Variants in TBC1D15 observed in about 807,000 individuals in gnomAD.
TBC1D15 encodes GAP for RAB7.
TBC1D15 carries 39 observed loss-of-function variants against 95.4 expected under a neutral mutation model. The observed-to-expected ratio is 0.41, with a 90% confidence interval of 0.32 to 0.53. TBC1D15 has a LOEUF of 0.53. Ranked by LOEUF, TBC1D15 falls within the 20% of genes least tolerant of loss-of-function variation. The pLI is 0.29. For synonymous variants in TBC1D15, 258 were observed against 261.3 expected (o/e 0.99, Z 0.12); for missense variants, 733 against 794.3 (o/e 0.92, Z 0.93).
In TBC1D15 at chr12:71,896,158, G is replaced by A. The variant is rs1036764552; in HGVS notation, c.984+83G>A. ...GTTGTTATCGTTACTGTTTTGGTGTGTTTTTTTTTGTTGTTGGTTTTTTTT... is the reference window on the plus strand; with the variant it reads ...GTTGTTATCGTTACTGTTTTGGTGTATTTTTTTTTGTTGTTGGTTTTTTTT... On this transcript the variant is annotated intron_variant, in intron 8 of 16. Transcript: ENST00000485960. 5 of 941,208 alleles carry A rather than the reference G, an allele frequency of 5.3e-6. No individual in the cohort carries two copies. In the African/African-American group the frequency reaches 7.1e-5, roughly 13 times the overall value. 58.3% of individuals were successfully genotyped at this position (941,208 alleles called of 1,614,324 possible).
At chr12:71,914,873 C>G (rs574375419) in intron 12 of TBC1D15, among the ~76,000 whole-genome samples, 1 of 151,926 alleles carries the variant, frequency 6.6e-6, no homozygotes, top group South Asian at 2.1e-4. Context: ...TTTTGCTTGC[C>G]TATTTTTCTT....
At chr12:71,844,036 G>A (rs1361174646) in intron 1 of TBC1D15, among the ~76,000 whole-genome samples, 1 of 151,862 alleles carries the variant, frequency 6.6e-6, no homozygotes, top group African/African-American at 2.4e-5. Context: ...ACACAGTTTT[G>A]TCCTTGACTG....
intron 1 of TBC1D15, among the ~76,000 whole-genome samples, chr12:71,864,011 CT>C (rs1565966392): frequency 6.7e-6 from 1 of 148,986 alleles, no homozygotes; most frequent in African/African-American, 2.5e-5. Context: ...TTGTTGATTT[CT>C]TTTTCACTAG....
intron 1 of TBC1D15, among the ~76,000 whole-genome samples, chr12:71,840,165 T>C (rs1565924918): frequency 6.6e-6 from 1 of 152,232 alleles, no homozygotes; most frequent in African/African-American, 2.4e-5. Context: ...CTCTTCTGAC[T>C]CCAGCGTCTT....
chr12:71,899,986 G>A (rs1322100433), intron 10 of TBC1D15, among the ~76,000 whole-genome samples: 1 of 151,950 alleles, frequency 6.6e-6, no homozygotes, highest in African/African-American at 2.4e-5. Context: ...AAAAAAGTAG[G>A]TGGATTCAAG....
Position 71,850,237 on chromosome 12 carries a change from T to C in TBC1D15, c.30+10426T>C, listed in dbSNP as rs536568399. On this transcript the variant is annotated intron_variant, in intron 1 of 16. Coordinates refer to ENST00000485960, the MANE Select transcript of TBC1D15 (RefSeq NM_001146213.3). ...TAACTCTTGGTATAACTCAGTTTTCTTCCTTTCAAAAGAAGTAACATTTCT... is the reference window on the plus strand; with the variant it reads ...TAACTCTTGGTATAACTCAGTTTTCCTCCTTTCAAAAGAAGTAACATTTCT... 419 of 555,398 alleles carry C rather than the reference T, an allele frequency of 7.5e-4. 2 individuals are homozygous for C. The highest frequency in any genetic ancestry group is 2.8e-3 in the South Asian group (189 of 66,934). 34.4% of individuals were successfully genotyped at this position (555,398 alleles called of 1,614,324 possible).
chr12:71,886,206 C>G (rs939261069), intron 5 of TBC1D15, among the ~76,000 whole-genome samples: 3 of 152,008 alleles, frequency 2.0e-5, no homozygotes, highest in African/African-American at 7.2e-5. Context: ...TCCTTCCTTC[C>G]TTTCCTTCCT....
chr12:71,869,168 C>T (rs973652438), intron 1 of TBC1D15, among the ~76,000 whole-genome samples: 1 of 151,286 alleles, frequency 6.6e-6, no homozygotes, highest in Non-Finnish European at 1.5e-5. Context: ...GTGAAATAAG[C>T]AGATACGGAA....
Position 71,839,824 on chromosome 12 carries a change from C to A in TBC1D15, c.30+13C>A. 1 of 1,614,160 alleles carries A rather than the reference C, an allele frequency of 6.2e-7. No homozygotes were observed. The highest frequency in any genetic ancestry group is 8.5e-7 in the Non-Finnish European group (1 of 1,180,016). On this transcript the variant is annotated intron_variant, in intron 1 of 16. Transcript: ENST00000485960. ...TGTGAGCGGGAAGGTAGGTAACGGC[C>A]TCCAGGAAGACCTCGGCTTTTCTCT...
At chr12:71,865,733 C>T (rs1267170019) in intron 1 of TBC1D15, among the ~76,000 whole-genome samples, 1 of 152,078 alleles carries the variant, frequency 6.6e-6, no homozygotes, top group Non-Finnish European at 1.5e-5. Context: ...TCTAGCTCAG[C>T]ATGGCTGTGT....
chr12:71,876,787 A>ATTT (rs200390829), intron 3 of TBC1D15, among the ~76,000 whole-genome samples: 36 of 136,174 alleles, frequency 2.6e-4, no homozygotes, highest in Middle Eastern at 3.8e-3. Context: ...TTTCCCGTGG[A>ATTT]TTTTTTTTTT....
chr12:71,873,066 A>G (rs1592734341), intron 3 of TBC1D15, 63 bp downstream of exon 3: 1 of 1,141,402 alleles, frequency 8.8e-7, no homozygotes. Flanking sequence ...TATTATCCAT[A>G]TATAATTCAC....
chr12:71,895,400 T>G (rs1433037619), intron 7 of TBC1D15, among the ~76,000 whole-genome samples: 1 of 152,092 alleles, frequency 6.6e-6, no homozygotes, highest in East Asian at 1.9e-4. Flanking sequence ...TAAATTTTAG[T>G]GCTTAATTAA....
At chr12:71,840,046 CCAGAG>C (rs1397250859) in intron 1 of TBC1D15, among the ~76,000 whole-genome samples, 1 of 152,166 alleles carries the variant, frequency 6.6e-6, no homozygotes. Flanking sequence ...CTCTTCTGCC[CCAGAG>C]CAGAGAGGCT....
At chr12:71,867,043 T>G (rs1018606398) in intron 1 of TBC1D15, among the ~76,000 whole-genome samples, 1 of 152,226 alleles carries the variant, frequency 6.6e-6, no homozygotes, top group Admixed American at 6.5e-5. Context: ...GACTACAATA[T>G]TCAATGAATG....
chr12:71,873,018 A>AC lies in TBC1D15; in HGVS notation c.204+15_204+16insC, dbSNP rs774809208. The AC allele has an allele frequency of 7.7e-6, 12 of 1,554,698 alleles. No individual in the cohort carries two copies. The highest frequency in any genetic ancestry group is 1.2e-5 in the South Asian group (1 of 86,628). ...ATGCTAGAAAGGTATTTAAGAAAAAAATGTGTTACTAAGGGAATGCCATTT... is the reference window on the plus strand; with the variant it reads ...ATGCTAGAAAGGTATTTAAGAAAAAACATGTGTTACTAAGGGAATGCCATTT... On this transcript the variant is annotated intron_variant, in intron 3 of 16. Transcript: ENST00000485960.
chr12:71,871,976 C>T (rs1339043123), intron 1 of TBC1D15, 94 bp from the exon 2 acceptor site: 1 of 490,112 alleles, frequency 2.0e-6, no homozygotes, highest in Non-Finnish European at 3.4e-6. Flanking sequence ...AGAAACTTGG[C>T]CAAGTATGAT....
intron 6 of TBC1D15, 170 bp from the exon 7 acceptor site, chr12:71,894,516 T>G: frequency 8.4e-7 from 1 of 1,196,862 alleles, no homozygotes; most frequent in Non-Finnish European, 1.2e-6. Flanking sequence ...CTTAGAAAAT[T>G]TAAATTTTTC....
intron 5 of TBC1D15, among the ~76,000 whole-genome samples, chr12:71,887,862 T>A (rs2138587476): frequency 6.6e-6 from 1 of 152,232 alleles, no homozygotes; most frequent in East Asian, 1.9e-4. Context: ...TAGCTACAGT[T>A]TCTGGTACAT....
Sources: gnomAD v4.1 joint callset for allele counts (sites outside exome capture counted in the v4.1 genomes callset) on GRCh38, gnomAD v4.1.1 for gene constraint, MANE v1.5 for transcripts, NCBI Gene and HGNC (gene_info 2026-07-23, HGNC 2026-07-21) for gene names.